SPAST: variants seen among roughly 807,000 people sequenced by gnomAD.
SPAST encodes spastic paraplegia 4 (autosomal dominant; spastin).
Under a neutral mutation model 76.6 loss-of-function variants are expected in SPAST, and 30 were observed. The ratio of observed to expected loss-of-function variants is 0.39; its 90% CI spans 0.29 to 0.53. SPAST has a LOEUF of 0.53. Among genes scored for constraint, SPAST ranks in the 20% least tolerant of loss-of-function variants. The probability of loss-of-function intolerance (pLI) is 0.68; values close to 1 mark genes in which losing one functional copy is unlikely to be tolerated. For synonymous variants in SPAST, 305 were observed against 281.0 expected (o/e 1.09, Z -0.86); for missense variants, 717 against 770.5 (o/e 0.93, Z 0.82).
intron 15 of SPAST, 89 bp downstream of exon 15, chr2:32,145,096 T>C: frequency 1.0e-6 from 1 of 954,452 alleles, no homozygotes; most frequent in Admixed American, 2.2e-5. Flanking sequence ...CCAAGAGATT[T>C]TTTTTTTCTT....
At chr2:32,074,571 A>G (rs927606779) in intron 1 of SPAST, among the ~76,000 whole-genome samples, 4 of 151,794 alleles carry the variant, frequency 2.6e-5, no homozygotes, top group Admixed American at 1.3e-4. Flanking sequence ...AGTGGGGGCA[A>G]TCTCAGCTCA....
Position 32,088,107 on chromosome 2 carries a change from C to T in SPAST, c.502+529C>T, listed in dbSNP as rs1451771722. Among the ~76,000 whole-genome samples the T allele has an allele frequency of 7.2e-5, 11 of 151,918 alleles. No homozygotes were observed. In the East Asian group the frequency reaches 1.4e-3, roughly 19 times the overall value. The stretch of plus-strand genomic sequence containing the variant: ...TTTGCCACGTTGGCCAGGCTGGTTT[C>T]GAACTCCTGATCTCAAGTGATCTGC... On this transcript the variant is annotated intron_variant, in intron 2 of 16. Coordinates refer to ENST00000315285, the MANE Select transcript of SPAST (RefSeq NM_014946.4).
At chr2:32,066,245 A>T (rs1173815723) in intron 1 of SPAST, 2 of 152,118 alleles carry the variant, frequency 1.3e-5, no homozygotes, top group African/African-American at 2.4e-5. Context: ...AAGTGCTTGG[A>T]TTACAGGTGT....
intron 7 of SPAST, among the ~76,000 whole-genome samples, chr2:32,120,686 T>C (rs1406159170): frequency 2.0e-5 from 3 of 152,186 alleles, no homozygotes; most frequent in Middle Eastern, 3.4e-3. Context: ...TAATCTGTCT[T>C]CACTACCATC....
intron 1 of SPAST, among the ~76,000 whole-genome samples, chr2:32,086,122 AAAT>A (rs1029950199): frequency 7.9e-5 from 12 of 152,052 alleles, no homozygotes; most frequent in African/African-American, 1.2e-4. Flanking sequence ...TTGAAATTTC[AAAT>A]AATAATAAGG....
At position 32,064,161 on chromosome 2, in the gene SPAST, C is replaced by G. The variant is rs514953; in HGVS notation, c.330C>G (p.Gly110=). Residue 110 remains glycine, a synonymous_variant, in exon 1 of 17, where the codon GGC becomes GGG. Transcript: ENST00000315285. ...ASASAPAPVP[G]GEAERVRVFH... Reference sequence around the variant, plus strand: ...CCTCGGCCCCGGCGCCGGTGCCGGGCGGCGAGGCCGAGCGCGTCCGAGTCT... The same window carrying G: ...CCTCGGCCCCGGCGCCGGTGCCGGGGGGCGAGGCCGAGCGCGTCCGAGTCT... 6.4e-7 allele frequency: 1 copy of G among 1,553,114 alleles called. No homozygotes were observed. The highest frequency in any genetic ancestry group is 1.2e-5 in the South Asian group (1 of 84,732).
chr2:32,136,207 G>A (rs1029138880), intron 9 of SPAST, among the ~76,000 whole-genome samples: 1 of 152,216 alleles, frequency 6.6e-6, no homozygotes, highest in East Asian at 1.9e-4. Flanking sequence ...TAAATATACC[G>A]TGTAATCTAG....
At chr2:32,152,537 A>C (rs181891724) in intron 16 of SPAST, among the ~76,000 whole-genome samples, 280 of 152,340 alleles carry the variant, frequency 1.8e-3, no homozygotes, top group African/African-American at 6.2e-3. Flanking sequence ...AGCCTGGGTA[A>C]CAGTGAGACC....
At chr2:32,076,938 C>T (rs895598506) in intron 1 of SPAST, among the ~76,000 whole-genome samples, 2 of 151,966 alleles carry the variant, frequency 1.3e-5, no homozygotes, top group East Asian at 3.9e-4. Flanking sequence ...TGCAGTGGCA[C>T]AATCTCGGCT....
At chr2:32,134,494 A>T (rs539503318) in intron 9 of SPAST, among the ~76,000 whole-genome samples, 1 of 151,762 alleles carries the variant, frequency 6.6e-6, no homozygotes, top group Non-Finnish European at 1.5e-5. Flanking sequence ...TGTAGTGACA[A>T]GGTGTCACTG....
chr2:32,110,773 T>C (rs1409188842), intron 4 of SPAST, among the ~76,000 whole-genome samples: 7 of 108,398 alleles, frequency 6.5e-5, no homozygotes, highest in African/African-American at 1.8e-4. Flanking sequence ...ATAGTATACA[T>C]AGTATACTAT....
chr2:32,065,351 A>AT (rs1163091411), intron 1 of SPAST, among the ~76,000 whole-genome samples: 3 of 152,090 alleles, frequency 2.0e-5, no homozygotes, highest in African/African-American at 7.2e-5. Context: ...TGTGCCAGGC[A>AT]TTGTGCTATT....
At chr2:32,121,350 A>C (rs976225729) in intron 7 of SPAST, among the ~76,000 whole-genome samples, 1 of 151,802 alleles carries the variant, frequency 6.6e-6, no homozygotes, top group Non-Finnish European at 1.5e-5. Flanking sequence ...ACGGGGTTTC[A>C]GGCTGGTCTT....
chr2:32,141,294 C>T (rs1383342347), intron 12 of SPAST, among the ~76,000 whole-genome samples: 2 of 152,216 alleles, frequency 1.3e-5, no homozygotes, highest in Admixed American at 6.5e-5. Context: ...TGTTCATTCT[C>T]ACCTTCCTTG....
chr2:32,109,954 G>GTATATGCATATACATATATAGTTA, intron 4 of SPAST, among the ~76,000 whole-genome samples: 1 of 125,440 alleles, frequency 8.0e-6, no homozygotes, highest in South Asian at 2.7e-4. Context: ...AGTTACATAT[G>GTATATGCATATACATATATAGTTA]TATATGTATA....
chr2:32,105,941 G>A (rs576487335), intron 4 of SPAST, among the ~76,000 whole-genome samples: 19 of 152,240 alleles, frequency 1.2e-4, no homozygotes, highest in Non-Finnish European at 2.1e-4. Context: ...CTGTCCGTTC[G>A]CCGATCTCAA....
chr2:32,132,018 T>C (rs536007167), intron 9 of SPAST, among the ~76,000 whole-genome samples: 2 of 152,328 alleles, frequency 1.3e-5, no homozygotes, highest in East Asian at 3.9e-4. Flanking sequence ...ATCTTCATGT[T>C]TTCAGAAACA....
chr2:32,115,588 A>G (rs536269763), intron 5 of SPAST, 114 bp from the exon 6 acceptor site: 2 of 752,110 alleles, frequency 2.7e-6, no homozygotes, highest in Non-Finnish European at 4.4e-6. Flanking sequence ...ATGGATTTTT[A>G]TACCCTTTTT....
chr2:32,104,702 C>T (rs1247115643), intron 4 of SPAST, among the ~76,000 whole-genome samples: 1 of 152,146 alleles, frequency 6.6e-6, no homozygotes, highest in Admixed American at 6.5e-5. Context: ...ATTTCTCCTT[C>T]ACTTATGAAG....
Sources: allele counts gnomAD v4.1 joint callset (sites outside exome capture counted in the v4.1 genomes callset), GRCh38; gene constraint gnomAD v4.1.1; transcripts MANE v1.5; gene names NCBI Gene and HGNC (gene_info 2026-07-23, HGNC 2026-07-21).